The following ARMH3 variants were observed in gnomAD, a reference collection of about 807,000 sequenced individuals.
ARMH3 encodes the protein armadillo like helical domain containing 3, also known as armadillo-like helical domain-containing protein 3.
Under a neutral mutation model 99.1 loss-of-function variants are expected in ARMH3, and 60 were observed. The observed-to-expected ratio is 0.61, with a 90% CI of 0.49 to 0.75. ARMH3 has a LOEUF of 0.75. Among genes scored for constraint, ARMH3 ranks in the 30% least tolerant of loss-of-function variants. The pLI is 0.00. For missense variants in ARMH3, 679 were observed against 843.1 expected (o/e 0.81, Z 2.41); for synonymous variants, 285 against 292.8 (o/e 0.97, Z 0.27).
At chr10:101,888,974 A>G (rs1259611319) in intron 24 of ARMH3, among the ~76,000 whole-genome samples, 1 of 152,238 alleles carries the variant, frequency 6.6e-6, no homozygotes, top group Non-Finnish European at 1.5e-5. Context: ...GAACTCAATT[A>G]CTAAGGAAAA....
rs1243617066 is a variant in ARMH3 at position 102,013,565 on chromosome 10, C to G, written c.726+403G>C. On this transcript the variant is annotated intron_variant, in intron 9 of 25. Coordinates refer to ENST00000370033, the MANE Select transcript of ARMH3 (RefSeq NM_024541.3). ...AAGGATACATATAGTAGATACAGAT[C>G]ATCCCCCTGTTTCAGTTTCACCAAG... 2.0e-5 allele frequency among the ~76,000 whole-genome samples: 3 copies of G among 152,328 alleles called. No homozygotes were observed. In the East Asian group the frequency reaches 5.8e-4, roughly 29 times the overall value.
intron 20 of ARMH3, among the ~76,000 whole-genome samples, chr10:101,967,452 TACTC>T (rs1845586572): frequency 6.6e-6 from 1 of 152,086 alleles, no homozygotes; most frequent in Non-Finnish European, 1.5e-5. Flanking sequence ...AATTTAAAAA[TACTC>T]AGCCAGATGC....
At chr10:102,026,157 C>A (rs1023630355) in intron 5 of ARMH3, among the ~76,000 whole-genome samples, 1 of 151,988 alleles carries the variant, frequency 6.6e-6, no homozygotes, top group Non-Finnish European at 1.5e-5. Context: ...AAAGATGAAA[C>A]CCTTGTATAC....
chr10:101,966,731 G>A lies in ARMH3; in HGVS notation c.1495+8481C>T, dbSNP rs1845560816. On this transcript the variant is annotated intron_variant, in intron 20 of 25. Coordinates refer to ENST00000370033, the MANE Select transcript of ARMH3 (RefSeq NM_024541.3). ...CTATCCTGCTTTGAATTCAGGAGGAGGGAAAAAAGGTAGCAGCAAATTGTG... is the reference window on the plus strand; with the variant it reads ...CTATCCTGCTTTGAATTCAGGAGGAAGGAAAAAAGGTAGCAGCAAATTGTG... Among the ~76,000 whole-genome samples, 4 of 152,070 alleles carry A rather than the reference G, an allele frequency of 2.6e-5. No homozygotes were observed. The South Asian group carries it at 8.3e-4, about 31-fold the overall frequency.
intron 23 of ARMH3, among the ~76,000 whole-genome samples, chr10:101,913,463 T>G (rs1439256162): frequency 6.9e-6 from 1 of 144,426 alleles, no homozygotes; most frequent in African/African-American, 2.6e-5. Context: ...CCTCCCAGGC[T>G]CAAATGATCT....
Position 101,939,590 on chromosome 10 carries a change from C to G in ARMH3, c.1781+273G>C, listed in dbSNP as rs983901656. On this transcript the variant is annotated intron_variant, in intron 23 of 25. Coordinates refer to ENST00000370033, the MANE Select transcript of ARMH3 (RefSeq NM_024541.3). ...TTTCAGATGACCTATACATAGAGAA[C>G]ACTCTGGCAACTAGCATGCCTGAAA... Among the ~76,000 whole-genome samples, 6 of 152,156 alleles carry G rather than the reference C, an allele frequency of 3.9e-5. 1 individual carries two copies. In the East Asian group the frequency reaches 7.9e-4, roughly 20 times the overall value.
rs534719483 is a variant in ARMH3 at position 101,964,242 on chromosome 10, T to G, written c.1496-6510A>C. 2.9e-3 allele frequency among the ~76,000 whole-genome samples: 448 copies of G among 152,222 alleles called. 2 individuals are homozygous for G. The highest frequency in any genetic ancestry group is 5.5e-3 in the Non-Finnish European group (373 of 68,014). ...CCAGGCTGGTCTCAAACTCCTGACCTCAAGTGATCTGCCCGCCTTGGCTTC... is the reference window on the plus strand; with the variant it reads ...CCAGGCTGGTCTCAAACTCCTGACCGCAAGTGATCTGCCCGCCTTGGCTTC... On this transcript the variant is annotated intron_variant, in intron 20 of 25. Transcript: ENST00000370033.
intron 22 of ARMH3, among the ~76,000 whole-genome samples, chr10:101,949,821 A>G (rs1036147150): frequency 6.6e-6 from 1 of 152,192 alleles, no homozygotes; most frequent in Non-Finnish European, 1.5e-5. Flanking sequence ...ATCGAATACA[A>G]CAATATGTAA....
intron 23 of ARMH3, among the ~76,000 whole-genome samples, chr10:101,913,583 C>T (rs997276481): frequency 2.6e-5 from 4 of 151,962 alleles, no homozygotes; most frequent in South Asian, 2.1e-4. Context: ...CAGGGCTGAT[C>T]TCAAACTCCT....
At chr10:102,001,372 C>T (rs1190458792) in intron 15 of ARMH3, among the ~76,000 whole-genome samples, 1 of 152,162 alleles carries the variant, frequency 6.6e-6, no homozygotes, top group African/African-American at 2.4e-5. Flanking sequence ...AACTACTCCA[C>T]TACTCTACCA....
chr10:102,016,816 T>C (rs1045620502), intron 8 of ARMH3, among the ~76,000 whole-genome samples: 1 of 152,208 alleles, frequency 6.6e-6, no homozygotes, highest in Non-Finnish European at 1.5e-5. Flanking sequence ...ATCACTCTAC[T>C]AGGGTCCTGC....
At position 102,035,852 on chromosome 10, in the gene ARMH3, C is replaced by T. The variant is rs183654525; in HGVS notation, c.103-2513G>A. Among the ~76,000 whole-genome samples, 1,431 of 152,138 alleles carry T rather than the reference C, an allele frequency of 9.4e-3. 18 individuals are homozygous for T. The highest frequency in any genetic ancestry group is 0.032 in the African/African-American group (1,347 of 41,528). On this transcript the variant is annotated intron_variant, in intron 2 of 25. Coordinates refer to ENST00000370033, the MANE Select transcript of ARMH3 (RefSeq NM_024541.3). ...CCGACTGGGAAGTGAGGAGCGTCTC[C>T]GCATGGCCGCCCATCCTCTGGGATG...
chr10:101,897,431 G>A (rs1202293389), intron 23 of ARMH3, among the ~76,000 whole-genome samples: 4 of 152,224 alleles, frequency 2.6e-5, no homozygotes, highest in Non-Finnish European at 5.9e-5. Context: ...AGGTGGCTCA[G>A]ACATGAACAG....
At chr10:101,916,437 T>C (rs1360020510) in intron 23 of ARMH3, among the ~76,000 whole-genome samples, 2 of 149,898 alleles carry the variant, frequency 1.3e-5, no homozygotes, top group Non-Finnish European at 3.0e-5. Flanking sequence ...ATGAAGAAAA[T>C]ACAAATCCTC....
chr10:101,973,250 T>C (rs2135911802), intron 20 of ARMH3, among the ~76,000 whole-genome samples: 1 of 149,990 alleles, frequency 6.7e-6, no homozygotes, highest in Non-Finnish European at 1.5e-5. Flanking sequence ...TAGTCCCAGC[T>C]ACTCAGGAGG....
intron 2 of ARMH3, among the ~76,000 whole-genome samples, chr10:102,035,749 C>A (rs1466288560): frequency 6.6e-6 from 1 of 152,046 alleles, no homozygotes; most frequent in African/African-American, 2.4e-5. Context: ...GATCTCGGCT[C>A]GCTACATCCT....
chr10:101,869,334 C>T (rs1385779669), intron 24 of ARMH3, among the ~76,000 whole-genome samples: 1 of 152,170 alleles, frequency 6.6e-6, no homozygotes, highest in Admixed American at 6.5e-5. Flanking sequence ...GCACACAGAA[C>T]ATTCAACAAG....
chr10:101,988,922 CAAAAAAA>C (rs35605193), intron 19 of ARMH3, among the ~76,000 whole-genome samples: 11 of 56,586 alleles, frequency 1.9e-4, no homozygotes, highest in African/African-American at 3.0e-4. Flanking sequence ...GACTCTGTCT[CAAAAAAA>C]AAAAAAAAAA....
intron 2 of ARMH3, among the ~76,000 whole-genome samples, chr10:102,038,943 T>C (rs1031589038): frequency 2.0e-5 from 3 of 151,972 alleles, no homozygotes; most frequent in African/African-American, 4.8e-5. Flanking sequence ...GGTTTTGCCA[T>C]GTTGCCCAGG....
Sources: gnomAD v4.1 joint callset for allele counts (sites outside exome capture counted in the v4.1 genomes callset) on GRCh38, gnomAD v4.1.1 for gene constraint, MANE v1.5 for transcripts, NCBI Gene and HGNC (gene_info 2026-07-23, HGNC 2026-07-21) for gene names.